The following TDG variants were observed in gnomAD, a reference collection of about 807,000 sequenced individuals.
The protein encoded by TDG is thymine DNA glycosylase, also known as G/T mismatch-specific thymine DNA glycosylase.
TDG carries 23 observed loss-of-function variants against 46.1 expected under a neutral mutation model. The ratio of observed to expected loss-of-function variants is 0.50; its 90% CI spans 0.36 to 0.71. The LOEUF (loss-of-function observed/expected upper bound fraction) is 0.71. TDG is among the 30% of genes least tolerant of loss of function. The pLI is 0.00. For synonymous variants in TDG, 115 were observed against 161.3 expected (o/e 0.71, Z 2.18); for missense variants, 304 against 486.7 (o/e 0.62, Z 3.53).
chr12:103,971,308 A>G (rs1256253525), intron 1 of TDG, among the ~76,000 whole-genome samples: 1 of 152,236 alleles, frequency 6.6e-6, no homozygotes, highest in Non-Finnish European at 1.5e-5. Flanking sequence ...CACACCTGTA[A>G]TCCCAGCACT....
rs755923847 is a variant in TDG, at chr12:103,976,900, G to C, written c.24-18G>C. ...GGGTAATTTTATCATTACATCTCAT[G>C]CTTCATTATTCTTTCAGCTATTCCC... On this transcript the variant is annotated intron_variant, in intron 1 of 9. Coordinates refer to ENST00000392872, the MANE Select transcript of TDG (RefSeq NM_003211.6). The C allele has an allele frequency of 1.1e-5, 18 of 1,611,366 alleles. No individual in the cohort carries two copies. Among genetic ancestry groups the C allele is most frequent in the Admixed American group, 3.4e-5 (2 of 59,350 alleles).
intron 1 of TDG, among the ~76,000 whole-genome samples, chr12:103,972,422 T>C (rs1871329104): frequency 6.6e-6 from 1 of 152,172 alleles, no homozygotes; most frequent in South Asian, 2.1e-4. Context: ...CGGCCAGTTA[T>C]CCAGAACTGT....
At chr12:103,967,614 G>C (rs1171903447) in intron 1 of TDG, among the ~76,000 whole-genome samples, 1 of 151,764 alleles carries the variant, frequency 6.6e-6, no homozygotes, top group African/African-American at 2.4e-5. Flanking sequence ...CTGCCACCAG[G>C]CCTGGCTAAT....
At chr12:103,970,599 T>C (rs1871245185) in intron 1 of TDG, among the ~76,000 whole-genome samples, 1 of 152,060 alleles carries the variant, frequency 6.6e-6, no homozygotes, top group Admixed American at 6.6e-5. Context: ...ACAGCAAATC[T>C]AGCTAGGCAT....
rs1870975611 is a variant in TDG at position 103,965,926 on chromosome 12, C to G, written c.-112C>G. Reference sequence around the variant, plus strand: ...CCACTGTCTGGGTACTGCCAGCCATCGGGCCCAGGTCTCTGGGGTTGTCTT... The same window carrying G: ...CCACTGTCTGGGTACTGCCAGCCATGGGGCCCAGGTCTCTGGGGTTGTCTT... On this transcript the variant is annotated 5_prime_UTR_variant, in exon 1 of 10. It adds an upstream start codon to the 5' untranslated region. Coordinates refer to ENST00000392872, the MANE Select transcript of TDG (RefSeq NM_003211.6). 2 of 1,470,760 alleles carry G rather than the reference C, an allele frequency of 1.4e-6. No individual in the cohort carries two copies. 91.1% of individuals were successfully genotyped at this position (1,470,760 alleles called of 1,614,324 possible). A position where few individuals can be genotyped will look rare whatever the true frequency, so the allele number is the denominator to read the frequency against.
At chr12:103,981,777 A>G (rs1871848039) in intron 4 of TDG, among the ~76,000 whole-genome samples, 1 of 152,168 alleles carries the variant, frequency 6.6e-6, no homozygotes, top group African/African-American at 2.4e-5. Context: ...TGGGAGGCCA[A>G]AGCAGGAGGA....
At chr12:103,985,757 T>G in intron 9 of TDG, 29 bp downstream of exon 9, 2 of 1,439,504 alleles carry the variant, frequency 1.4e-6, no homozygotes, top group Non-Finnish European at 9.2e-7. Flanking sequence ...GTGTATTCCT[T>G]TCAAAGACGG....
Position 103,985,741 on chromosome 12 carries a change from C to T in TDG, c.1090+13C>T, listed in dbSNP as rs766732973. 1.6e-5 allele frequency: 13 copies of T among 825,310 alleles called. No individual in the cohort carries two copies. Among genetic ancestry groups the T allele is most frequent in the Non-Finnish European group, 1.9e-5 (13 of 680,590 alleles). The allele number at this position is 825,310 out of a possible 1,614,324, so 51.1% of individuals were successfully genotyped here. On this transcript the variant is annotated intron_variant, in intron 9 of 9. Transcript: ENST00000392872. ...TCAAATGGGCTAAGTATGGTTCCCT[C>T]CACATGTGTATTCCTTTCAAAGACG...
At position 103,979,855 on chromosome 12, in the gene TDG, A is replaced by G; in HGVS notation, c.191A>G (p.Lys64Arg). ...GAGGCTCCAAAAGGAAGAAAAAGAAAACCCAGAACAACAGAACCAAAACAA... is the reference window on the plus strand; with the variant it reads ...GAGGCTCCAAAAGGAAGAAAAAGAAGACCCAGAACAACAGAACCAAAACAA... Reference protein sequence around the residue: ...VQEAPKGRKRKPRTTEPKQPV... With the variant: ...VQEAPKGRKRRPRTTEPKQPV... Residue 64 changes from lysine to arginine, a missense_variant, in exon 3 of 10, where the codon AAA becomes AGA. Physicochemically the swap from Lys to Arg is conservative, Grantham distance 26. Transcript: ENST00000392872. The G allele has an allele frequency of 6.4e-7, 1 of 1,573,008 alleles. No individual in the cohort carries two copies. The highest frequency in any genetic ancestry group is 1.8e-4 in the Middle Eastern group (1 of 5,504).
chr12:103,968,181 A>G (rs572483826), intron 1 of TDG, among the ~76,000 whole-genome samples: 1 of 152,308 alleles, frequency 6.6e-6, no homozygotes, highest in East Asian at 1.9e-4. Flanking sequence ...CTTACAGTCA[A>G]TCAACCAGAG....
In TDG at chr12:103,988,240, C is replaced by A. The variant is rs1406805179; in HGVS notation, c.*1150C>A. The A allele has an allele frequency of 6.6e-6, 1 of 152,406 alleles. No individual in the cohort carries two copies. Among genetic ancestry groups the A allele is most frequent in the Middle Eastern group, 3.4e-3 (1 of 294 alleles). 9.4% of individuals were successfully genotyped at this position (152,406 alleles called of 1,614,324 possible). A position where few individuals can be genotyped will look rare whatever the true frequency, so the allele number is the denominator to read the frequency against. On this transcript the variant is annotated 3_prime_UTR_variant, in exon 10 of 10. Coordinates refer to ENST00000392872, the MANE Select transcript of TDG (RefSeq NM_003211.6). The stretch of plus-strand genomic sequence containing the variant: ...TGTTATTTGCATCCTCTCAGTTACT[C>A]CTGAATATTCTGATTTCATACGTAC...
chr12:103,977,858 G>A (rs1265686743), intron 2 of TDG, among the ~76,000 whole-genome samples: 1 of 152,134 alleles, frequency 6.6e-6, no homozygotes, highest in Non-Finnish European at 1.5e-5. Context: ...GAGGTCAGGA[G>A]TTCATGACCA....
intron 8 of TDG, among the ~76,000 whole-genome samples, chr12:103,985,208 C>CA (rs969365828): frequency 2.0e-5 from 3 of 147,998 alleles, no homozygotes; most frequent in East Asian, 2.0e-4. Flanking sequence ...CACACACACA[C>CA]ATTACAGAAA....
At chr12:103,970,645 G>A (rs1871247452) in intron 1 of TDG, among the ~76,000 whole-genome samples, 1 of 151,782 alleles carries the variant, frequency 6.6e-6, no homozygotes, top group Non-Finnish European at 1.5e-5. Context: ...TACTCAGGAG[G>A]CTGAGGCAGG....
At position 103,966,054 on chromosome 12, in the gene TDG, C is replaced by G. The variant is rs775636344; in HGVS notation, c.17C>G (p.Ala6Gly). 27 of 1,592,954 alleles carry G rather than the reference C, an allele frequency of 1.7e-5. No homozygotes were observed. In the African/African-American group the frequency reaches 3.0e-4, roughly 18 times the overall value. MEAEN[A>G]GSYSLQQAQA... ...CCTCGGGGAATGGAAGCGGAGAACG[C>G]GGGCAGGTAATACCGGGGCCAGCGC... The change falls in exon 1 of 10, where the codon GCG becomes GGG. Residue 6 changes from alanine to glycine, a missense_variant. By Grantham distance (60) the Ala-to-Gly change is moderately conservative. Coordinates refer to ENST00000392872, the MANE Select transcript of TDG (RefSeq NM_003211.6).
At position 103,968,866 on chromosome 12, in the gene TDG, C is replaced by T. The variant is rs549502895; in HGVS notation, c.23+2806C>T. Among the ~76,000 whole-genome samples the T allele has an allele frequency of 7.9e-5, 12 of 152,328 alleles. No individual in the cohort carries two copies. The East Asian group carries it at 9.6e-4, about 12-fold the overall frequency. On this transcript the variant is annotated intron_variant, in intron 1 of 9. Transcript: ENST00000392872. ...CTAATTGACCGGGCACAGTGGCTGACGCCTGTAATCCCAGCACTTTGGGAG... is the reference window on the plus strand; with the variant it reads ...CTAATTGACCGGGCACAGTGGCTGATGCCTGTAATCCCAGCACTTTGGGAG...
Position 103,985,057 on chromosome 12 carries a change from ATACATG to A in TDG, c.964+139_964+144del, listed in dbSNP as rs1434828537. 7 of 452,978 alleles carry A rather than the reference ATACATG, an allele frequency of 1.5e-5. No homozygotes were observed. The East Asian group carries it at 3.7e-4, about 24-fold the overall frequency. 28.1% of individuals were successfully genotyped at this position (452,978 alleles called of 1,614,324 possible). A position where few individuals can be genotyped will look rare whatever the true frequency, so the allele number is the denominator to read the frequency against. The stretch of plus-strand genomic sequence containing the variant: ...TGCACATATATGCACACGTGTATAT[ATACATG>A]TGTATATATACATATATACACATAA... On this transcript the variant is annotated intron_variant, in intron 8 of 9. Transcript: ENST00000392872.
intron 8 of TDG, among the ~76,000 whole-genome samples, chr12:103,985,166 T>TACATACGCACAC (rs1555275231): frequency 2.2e-5 from 3 of 138,506 alleles, no homozygotes; most frequent in Non-Finnish European, 3.1e-5. Flanking sequence ...TATAGACACA[T>TACATACGCACAC]ACACACACAC....
chr12:103,981,522 A>G (rs2136240089), intron 4 of TDG, among the ~76,000 whole-genome samples: 1 of 152,262 alleles, frequency 6.6e-6, no homozygotes, highest in African/African-American at 2.4e-5. Flanking sequence ...GGCGTGAGCT[A>G]CAACGCCCAG....
Sources: gnomAD v4.1 joint callset for allele counts (sites outside exome capture counted in the v4.1 genomes callset) on GRCh38, gnomAD v4.1.1 for gene constraint, MANE v1.5 for transcripts, NCBI Gene and HGNC (gene_info 2026-07-23, HGNC 2026-07-21) for gene names.